Variants in SKAP1 observed in about 807,000 individuals in gnomAD.
SKAP1 encodes src kinase associated phosphoprotein 1, also known as src kinase-associated phosphoprotein 1.
A neutral mutation model predicts 58.5 loss-of-function variants in SKAP1; 44 were observed. That is an observed-to-expected ratio of 0.75 (90% confidence interval 0.59 to 0.97). SKAP1 has a LOEUF of 0.97. Among genes scored for constraint, SKAP1 ranks in the 50% least tolerant of loss-of-function variants. The pLI is 0.00. For missense variants in SKAP1, 390 were observed against 435.2 expected (o/e 0.90, Z 0.92); for synonymous variants, 127 against 149.7 (o/e 0.85, Z 1.11).
At chr17:48,155,659 C>T (rs368277118) in intron 11 of SKAP1, among the ~76,000 whole-genome samples, 16 of 151,962 alleles carry the variant, frequency 1.1e-4, no homozygotes, top group African/African-American at 3.9e-4. Context: ...GAGTTCGAGA[C>T]CAGCCTGGCC....
At chr17:48,223,628 T>C (rs906693725) in intron 4 of SKAP1, among the ~76,000 whole-genome samples, 3 of 152,218 alleles carry the variant, frequency 2.0e-5, no homozygotes, top group African/African-American at 7.2e-5. Context: ...CAGAAATGCC[T>C]GCAAATTTCC....
the SKAP1 span, among the ~76,000 whole-genome samples, chr17:48,437,764 T>C: frequency 3.1e-5 from 3 of 97,860 alleles, no homozygotes; most frequent in African/African-American, 1.2e-4. Flanking sequence ...AAAAAAAAAA[T>C]AGGTAATGTT....
intron 4 of SKAP1, among the ~76,000 whole-genome samples, chr17:48,217,688 T>A (rs149998902): frequency 1.3e-5 from 2 of 152,006 alleles, no homozygotes; most frequent in African/African-American, 4.8e-5. Context: ...GTAAAAATTA[T>A]ATGGAGTCCA....
At chr17:48,418,589 C>G (rs7209043) in intron 1 of SKAP1, among the ~76,000 whole-genome samples, 1 of 151,834 alleles carries the variant, frequency 6.6e-6, no homozygotes, top group Non-Finnish European at 1.5e-5. Context: ...TAATTCCACT[C>G]CTAGATATAT....
intron 4 of SKAP1, among the ~76,000 whole-genome samples, chr17:48,342,013 G>A (rs550768844): frequency 3.4e-4 from 52 of 152,086 alleles, no homozygotes; most frequent in African/African-American, 1.3e-3. Context: ...AAATAATGTA[G>A]GTATGCAGGG....
At chr17:48,204,973 T>TTTTCTCTTTCTTTCTTTCTTTC (rs2064778531) in intron 4 of SKAP1, among the ~76,000 whole-genome samples, 1 of 77,296 alleles carries the variant, frequency 1.3e-5, no homozygotes, top group African/African-American at 6.2e-5. Flanking sequence ...TTTTCTTTTC[T>TTTTCTCTTTCTTTCTTTCTTTC]TTTCTTTCTT....
intron 4 of SKAP1, among the ~76,000 whole-genome samples, chr17:48,267,779 C>T (rs570383688): frequency 5.3e-4 from 80 of 152,048 alleles, no homozygotes; most frequent in African/African-American, 1.9e-3. Flanking sequence ...TTAGGAACTC[C>T]GTTAGGAAGG....
At chr17:48,272,737 G>C (rs757948633) in intron 4 of SKAP1, among the ~76,000 whole-genome samples, 11 of 148,342 alleles carry the variant, frequency 7.4e-5, no homozygotes, top group Non-Finnish European at 1.4e-4. Context: ...TTGTATTTTT[G>C]GTAGAGACGG....
intron 4 of SKAP1, among the ~76,000 whole-genome samples, chr17:48,250,364 C>G (rs2065349768): frequency 6.9e-6 from 1 of 145,276 alleles, no homozygotes; most frequent in African/African-American, 2.6e-5. Flanking sequence ...TCACTGCAAC[C>G]TCTGCCTCCT....
At chr17:48,206,432 C>T (rs8067466) in intron 4 of SKAP1, among the ~76,000 whole-genome samples, 1 of 151,642 alleles carries the variant, frequency 6.6e-6, no homozygotes, top group Non-Finnish European at 1.5e-5. Context: ...AAAATAAAGA[C>T]GTTTTTTTTT....
the SKAP1 span, among the ~76,000 whole-genome samples, chr17:48,438,456 G>A: frequency 6.6e-6 from 1 of 152,168 alleles, no homozygotes; most frequent in Non-Finnish European, 1.5e-5. Context: ...CAAGATATAG[G>A]TATCATTGGT....
intron 4 of SKAP1, among the ~76,000 whole-genome samples, chr17:48,261,874 C>T (rs978985361): frequency 1.2e-5 from 1 of 80,810 alleles, no homozygotes; most frequent in African/African-American, 4.8e-5. Context: ...TGTAAAAGCT[C>T]CCCTGAGAGA....
chr17:48,204,064 G>A (rs2064762173), intron 4 of SKAP1: 1 of 151,402 alleles, frequency 6.6e-6, no homozygotes, highest in South Asian at 2.1e-4. Context: ...GAAGAACCAA[G>A]ATATAAACTC....
At chr17:48,168,679 A>C (rs761149045) in intron 10 of SKAP1, among the ~76,000 whole-genome samples, 16 of 152,066 alleles carry the variant, frequency 1.1e-4, no homozygotes, top group Non-Finnish European at 2.1e-4. Context: ...AACAAACAAA[A>C]AAACACACAC....
the SKAP1 span, among the ~76,000 whole-genome samples, chr17:48,439,139 C>A: frequency 6.6e-6 from 1 of 152,188 alleles, no homozygotes; most frequent in Admixed American, 6.5e-5. Flanking sequence ...AGAAAAGTGC[C>A]TTGTGGATCA....
chr17:48,325,522 A>G (rs2066425808), intron 4 of SKAP1, among the ~76,000 whole-genome samples: 1 of 152,196 alleles, frequency 6.6e-6, no homozygotes, highest in African/African-American at 2.4e-5. Flanking sequence ...GCTATGTCTG[A>G]CACACAACAG....
Position 48,182,394 on chromosome 17 carries a change from C to A in SKAP1, c.631G>T (p.Asp211Tyr), listed in dbSNP as rs2064381160. ...TTATTTCTGTAACAATGACACTTAC[C>A]CTTTAACAAGAAACTTATTTGATCC... ...WVDQISFLLK[D>Y]LSSLTIPYEE... The change falls in exon 8 of 13, where the codon GAT (aspartate) becomes TAT (tyrosine). Residue 211 changes from aspartate to tyrosine, a missense_variant and splice_region_variant. By Grantham distance (160) the Asp-to-Tyr change is radical. Coordinates refer to ENST00000336915, the MANE Select transcript of SKAP1 (RefSeq NM_003726.4). The A allele has an allele frequency of 4.4e-6, 7 of 1,599,100 alleles. No individual in the cohort carries two copies. In the South Asian group the frequency reaches 7.8e-5, roughly 18 times the overall value.
At chr17:48,172,009 G>T (rs971416805) in intron 9 of SKAP1, among the ~76,000 whole-genome samples, 1 of 152,128 alleles carries the variant, frequency 6.6e-6, no homozygotes, top group Non-Finnish European at 1.5e-5. Flanking sequence ...GCAGTGAGCC[G>T]AGATTGTGCC....
At chr17:48,219,741 G>C (rs1471823758) in intron 4 of SKAP1, among the ~76,000 whole-genome samples, 1 of 152,152 alleles carries the variant, frequency 6.6e-6, no homozygotes, top group Non-Finnish European at 1.5e-5. Flanking sequence ...CCCCCATGGA[G>C]AGCTAAGTGG....
Sources: gnomAD v4.1 joint callset for allele counts (sites outside exome capture counted in the v4.1 genomes callset) on GRCh38, gnomAD v4.1.1 for gene constraint, MANE v1.5 for transcripts, NCBI Gene and HGNC (gene_info 2026-07-23, HGNC 2026-07-21) for gene names.